The following TC2N variants were observed in gnomAD, a reference collection of about 807,000 sequenced individuals.
TC2N encodes the protein tandem C2 domains, nuclear, also known as tandem C2 domains nuclear protein.
TC2N carries 51 observed loss-of-function variants against 61.9 expected under a neutral mutation model. That is an observed-to-expected ratio of 0.82 (90% confidence interval 0.66 to 1.04). TC2N has a LOEUF of 1.04. TC2N is among the 50% of genes least tolerant of loss of function. The probability of loss-of-function intolerance (pLI) is 0.00; values close to 1 mark genes in which losing one functional copy is unlikely to be tolerated. For synonymous variants in TC2N, 204 were observed against 192.6 expected (o/e 1.06, Z -0.49); for missense variants, 556 against 566.7 (o/e 0.98, Z 0.19).
At position 91,792,360 on chromosome 14, in the gene TC2N, C is replaced by G; in HGVS notation, c.1047+7G>C. 6.3e-7 allele frequency: 1 copy of G among 1,577,300 alleles called. No homozygotes were observed. Among genetic ancestry groups the G allele is most frequent in the Non-Finnish European group, 8.6e-7 (1 of 1,158,406 alleles). On this transcript the variant is annotated splice_region_variant and intron_variant, in intron 9 of 11. Transcript: ENST00000435962. The stretch of plus-strand genomic sequence containing the variant: ...TGAAATACTCTTAACATACTATTAT[C>G]GCTTACAGAAATTTTTGAAGGTGGT...
chr14:91,818,970 T>A (rs1439051272), intron 1 of TC2N, among the ~76,000 whole-genome samples: 1 of 151,638 alleles, frequency 6.6e-6, no homozygotes, highest in Non-Finnish European at 1.5e-5. Flanking sequence ...TTTGAAGAAA[T>A]AATGGCCAAA....
At chr14:91,801,080 G>GTATATA (rs59418798) in intron 4 of TC2N, among the ~76,000 whole-genome samples, 4 of 111,436 alleles carry the variant, frequency 3.6e-5, no homozygotes, top group African/African-American at 1.4e-4. Flanking sequence ...ATGTGTGTGT[G>GTATATA]TATATATATA....
chr14:91,783,761 A>G (rs1325710222), intron 11 of TC2N, among the ~76,000 whole-genome samples: 1 of 152,092 alleles, frequency 6.6e-6, no homozygotes, highest in Admixed American at 6.6e-5. Flanking sequence ...TATTATGCAA[A>G]TTGTACAAAA....
intron 5 of TC2N, among the ~76,000 whole-genome samples, chr14:91,799,597 T>TA (rs1457140774): frequency 1.3e-5 from 2 of 152,028 alleles, no homozygotes; most frequent in African/African-American, 2.4e-5. Flanking sequence ...ACTGCTGCTA[T>TA]AAAAAAATTA....
intron 1 of TC2N, among the ~76,000 whole-genome samples, chr14:91,839,370 C>T (rs28638158): frequency 0.042 from 6,354 of 152,278 alleles, 358 homozygotes; most frequent in African/African-American, 0.13. Flanking sequence ...CCACAACACC[C>T]ATTCCTGACT....
intron 1 of TC2N, among the ~76,000 whole-genome samples, chr14:91,838,005 T>C (rs1036494026): frequency 6.6e-6 from 1 of 152,224 alleles, no homozygotes; most frequent in African/African-American, 2.4e-5. Context: ...GCTGTTATTA[T>C]CTTCATTTTG....
chr14:91,839,777 T>G (rs1026640820), intron 1 of TC2N, among the ~76,000 whole-genome samples: 1 of 152,248 alleles, frequency 6.6e-6, no homozygotes, highest in African/African-American at 2.4e-5. Flanking sequence ...ATTCATTTCA[T>G]GTATTTGTTC....
rs1200316966 is a variant in TC2N at position 91,795,823 on chromosome 14, G to T, written c.855+1962C>A. Among the ~76,000 whole-genome samples, 4 of 152,016 alleles carry T rather than the reference G, an allele frequency of 2.6e-5. No individual in the cohort carries two copies. In the East Asian group the frequency reaches 5.8e-4, roughly 22 times the overall value. ...TTGTTGTAATAGCTTATGTCTGTCT[G>T]TACAGCCAGAACTGTCTTTCTGAGG... On this transcript the variant is annotated intron_variant, in intron 8 of 11. Coordinates refer to ENST00000435962, the MANE Select transcript of TC2N (RefSeq NM_001128596.3).
intron 1 of TC2N, among the ~76,000 whole-genome samples, chr14:91,824,286 G>A (rs1325739162): frequency 1.3e-5 from 2 of 152,212 alleles, no homozygotes; most frequent in Non-Finnish European, 2.9e-5. Context: ...TACAGTCAGT[G>A]CTCATGCACG....
At chr14:91,847,415 G>A (rs1888292420) in intron 1 of TC2N, among the ~76,000 whole-genome samples, 1 of 152,208 alleles carries the variant, frequency 6.6e-6, no homozygotes, top group South Asian at 2.1e-4. Context: ...GATTGGAAAT[G>A]ATGCTATGTG....
chr14:91,858,161 T>C (rs1042792225), intron 1 of TC2N, among the ~76,000 whole-genome samples: 9 of 149,188 alleles, frequency 6.0e-5, no homozygotes, highest in Admixed American at 2.0e-4. Flanking sequence ...TCTTTTTTTT[T>C]TTTTTTTTTT....
chr14:91,836,562 G>A lies in TC2N; in HGVS notation c.-56-22737C>T, dbSNP rs1374754942. The A allele has an allele frequency of 1.5e-4, 5 of 33,528 alleles. No homozygotes were observed. The Admixed American group carries it at 1.9e-3, about 13-fold the overall frequency. The allele number at this position is 33,528 out of a possible 1,614,324, so 2.1% of individuals were successfully genotyped here. A position where few individuals can be genotyped will look rare whatever the true frequency, so the allele number is the denominator to read the frequency against. ...CCAGGGCCGCCCCGCCCCTCGGGAC[G>A]GGCGCTAAGGGGCGAGGCGAGGCAA... is the stretch of plus-strand genomic sequence containing the variant. On this transcript the variant is annotated intron_variant, in intron 1 of 11. Coordinates refer to ENST00000435962, the MANE Select transcript of TC2N (RefSeq NM_001128596.3).
rs764217238 is a variant in TC2N, at chr14:91,812,407, T to C, written c.206A>G (p.Asp69Gly). 5 of 1,612,772 alleles carry C rather than the reference T, an allele frequency of 3.1e-6. No individual in the cohort carries two copies. The South Asian group carries it at 5.5e-5, about 18-fold the overall frequency. Residue 69 changes from aspartate (D) to glycine (G), a missense_variant, in exon 3 of 12, where the codon GAT (aspartate) becomes GGT (glycine). Physicochemically the swap from Asp to Gly is moderately conservative, Grantham distance 94. Coordinates refer to ENST00000435962, the MANE Select transcript of TC2N (RefSeq NM_001128596.3). ...EDYLLSKLPS[D>G]GKEVPFVVPK... ...CACCACAAATGGTACTTCTTTGCCA[T>C]CAGATGGTAATTTGGAAAGCAAATA...
intron 1 of TC2N, among the ~76,000 whole-genome samples, chr14:91,834,547 AAC>A (rs1887923536): frequency 6.6e-6 from 1 of 152,048 alleles, no homozygotes; most frequent in Admixed American, 6.6e-5. Context: ...ACGGATTCTA[AAC>A]TCACATTTAC....
intron 5 of TC2N, among the ~76,000 whole-genome samples, chr14:91,799,437 C>G (rs1198030233): frequency 6.6e-6 from 1 of 151,964 alleles, no homozygotes; most frequent in Non-Finnish European, 1.5e-5. Flanking sequence ...CATAGTCAAT[C>G]TGGACCTGCA....
At chr14:91,833,419 A>C (rs369130335) in intron 1 of TC2N, among the ~76,000 whole-genome samples, 2 of 152,266 alleles carry the variant, frequency 1.3e-5, no homozygotes, top group African/African-American at 4.8e-5. Context: ...ATTTTTATTT[A>C]ATCTGTTTTA....
At chr14:91,809,662 G>C (rs754337012) in intron 3 of TC2N, among the ~76,000 whole-genome samples, 1 of 151,998 alleles carries the variant, frequency 6.6e-6, no homozygotes, top group African/African-American at 2.4e-5. Flanking sequence ...CAACACGCAG[G>C]GTATATAAAA....
chr14:91,853,299 A>G (rs1281310650), intron 1 of TC2N, among the ~76,000 whole-genome samples: 1 of 152,208 alleles, frequency 6.6e-6, no homozygotes, highest in East Asian at 1.9e-4. Flanking sequence ...GATTCTGCCT[A>G]TAATGAAGGT....
chr14:91,807,195 T>G (rs1886549447), intron 3 of TC2N, among the ~76,000 whole-genome samples: 1 of 152,196 alleles, frequency 6.6e-6, no homozygotes, highest in African/African-American at 2.4e-5. Flanking sequence ...GGTGGGGCCC[T>G]CATGGAGAAC....
Sources: allele counts gnomAD v4.1 joint callset (sites outside exome capture counted in the v4.1 genomes callset), GRCh38; gene constraint gnomAD v4.1.1; transcripts MANE v1.5; gene names NCBI Gene and HGNC (gene_info 2026-07-23, HGNC 2026-07-21).